COMMD1: variants seen among roughly 807,000 people sequenced by gnomAD.
COMMD1 encodes copper metabolism domain containing 1.
Under a neutral mutation model 17.2 loss-of-function variants are expected in COMMD1, and 10 were observed. The ratio of observed to expected loss-of-function variants is 0.58; its 90% CI spans 0.36 to 0.99. The LOEUF (loss-of-function observed/expected upper bound fraction) is 0.99, where lower values mean the gene tolerates loss of function less well. Ranked by LOEUF, COMMD1 falls within the 50% of genes least tolerant of loss-of-function variation. The pLI is 0.01. For synonymous variants in COMMD1, 97 were observed against 91.6 expected (o/e 1.06, Z -0.34); for missense variants, 270 against 231.8 (o/e 1.17, Z -1.07).
At chr2:61,953,349 TGTAA>T (rs1231827634) in intron 1 of COMMD1, among the ~76,000 whole-genome samples, 2 of 150,942 alleles carry the variant, frequency 1.3e-5, no homozygotes, top group African/African-American at 4.9e-5. Flanking sequence ...GGATTATTTA[TGTAA>T]GTATTTCTTT....
intron 2 of COMMD1, among the ~76,000 whole-genome samples, chr2:62,065,039 G>A (rs1670989189): frequency 1.3e-5 from 2 of 152,232 alleles, no homozygotes; most frequent in Admixed American, 1.3e-4. Flanking sequence ...ATGGCGGCAA[G>A]CACCTGTAAT....
chr2:62,014,882 G>A (rs1669393054), intron 2 of COMMD1, among the ~76,000 whole-genome samples: 1 of 151,886 alleles, frequency 6.6e-6, no homozygotes, highest in South Asian at 2.1e-4. Flanking sequence ...CAGTTTTTAA[G>A]TGTACAGTCC....
At chr2:62,064,227 G>A (rs1190978588) in intron 2 of COMMD1, among the ~76,000 whole-genome samples, 1 of 151,918 alleles carries the variant, frequency 6.6e-6, no homozygotes, top group Non-Finnish European at 1.5e-5. Flanking sequence ...AGGCTGTAGT[G>A]CAGTGGCGTG....
chr2:62,106,877 A>G (rs1400434732), intron 2 of COMMD1, among the ~76,000 whole-genome samples: 1 of 152,234 alleles, frequency 6.6e-6, no homozygotes, highest in African/African-American at 2.4e-5. Flanking sequence ...GGAAGGGTGG[A>G]GAAAAATATT....
chr2:61,903,673 C>T (rs1011257116), upstream of COMMD1, among the ~76,000 whole-genome samples: 2 of 151,824 alleles, frequency 1.3e-5, no homozygotes, highest in African/African-American at 4.8e-5. Context: ...CTGCCTCAGC[C>T]TCCCGAGTAG....
At chr2:62,120,002 T>G (rs1672701887) in intron 2 of COMMD1, among the ~76,000 whole-genome samples, 1 of 152,278 alleles carries the variant, frequency 6.6e-6, no homozygotes, top group African/African-American at 2.4e-5. Flanking sequence ...CTTTTTCTTT[T>G]TTTATTTCAT....
intron 2 of COMMD1, among the ~76,000 whole-genome samples, chr2:62,063,658 G>T (rs866761308): frequency 4.6e-5 from 7 of 151,772 alleles, no homozygotes; most frequent in Non-Finnish European, 1.0e-4. Flanking sequence ...TGACCTGCAT[G>T]TTTCTATAAT....
chr2:62,082,820 GC>G (rs1271103700), intron 2 of COMMD1, among the ~76,000 whole-genome samples: 1 of 152,138 alleles, frequency 6.6e-6, no homozygotes, highest in African/African-American at 2.4e-5. Context: ...TTAAGCTTTA[GC>G]TTTTTAAATA....
intron 1 of COMMD1, chr2:61,928,775 C>G (rs1670391285): frequency 1.3e-5 from 2 of 152,046 alleles, no homozygotes; most frequent in South Asian, 4.1e-4. Flanking sequence ...CTTTTCCTGC[C>G]CTAGTCCCCT....
chr2:61,915,750 G>C, intron 1 of COMMD1: 1 of 450,064 alleles, frequency 2.2e-6, no homozygotes. Context: ...TCTCTCTTTA[G>C]CCTCCCAATT....
intron 1 of COMMD1, among the ~76,000 whole-genome samples, chr2:61,909,770 G>A (rs1425146045): frequency 6.6e-6 from 1 of 152,210 alleles, no homozygotes; most frequent in Non-Finnish European, 1.5e-5. Context: ...AGAAGCAAAG[G>A]AAGGAAGGAG....
rs118016725 is a variant in COMMD1 at position 61,938,564 on chromosome 2, C to T, written c.180+32706C>T. 4.6e-3 allele frequency among the ~76,000 whole-genome samples: 703 copies of T among 152,250 alleles called. 11 individuals carry two copies. Among genetic ancestry groups the T allele is most frequent in the East Asian group, 0.035 (180 of 5,180 alleles). On this transcript the variant is annotated intron_variant, in intron 1 of 2. Coordinates refer to ENST00000311832, the MANE Select transcript of COMMD1 (RefSeq NM_152516.4). The stretch of plus-strand genomic sequence containing the variant: ...TTGGGTCTCTTCCAAGCACACGTTC[C>T]TTGCTTTCATGTTCTAAGGCCTTTT...
intron 2 of COMMD1, among the ~76,000 whole-genome samples, chr2:62,023,236 A>T (rs905272217): frequency 3.3e-5 from 5 of 152,180 alleles, no homozygotes; most frequent in Admixed American, 3.3e-4. Context: ...CAAAAAAAAA[A>T]AAAAGCATGA....
chr2:62,013,033 G>A (rs1669331578), intron 2 of COMMD1, among the ~76,000 whole-genome samples: 1 of 152,076 alleles, frequency 6.6e-6, no homozygotes, highest in Non-Finnish European at 1.5e-5. Flanking sequence ...GTAATGGGAA[G>A]CCATTAGAGG....
At chr2:62,023,136 G>T (rs775010131) in intron 2 of COMMD1, among the ~76,000 whole-genome samples, 2 of 151,832 alleles carry the variant, frequency 1.3e-5, no homozygotes, top group African/African-American at 2.4e-5. Flanking sequence ...TGAGACAGGA[G>T]AATCGCTTGA....
At chr2:62,100,689 T>C (rs567760373) in intron 2 of COMMD1, among the ~76,000 whole-genome samples, 3 of 152,258 alleles carry the variant, frequency 2.0e-5, no homozygotes, top group South Asian at 4.2e-4. Flanking sequence ...AGGTAAAAGA[T>C]TGTGGAGACC....
intron 2 of COMMD1, among the ~76,000 whole-genome samples, chr2:62,035,757 A>C (rs1457113083): frequency 6.7e-6 from 1 of 149,100 alleles, no homozygotes; most frequent in Non-Finnish European, 1.5e-5. Flanking sequence ...AAAAAAAAAA[A>C]AAAAAAAAGC....
intron 2 of COMMD1, among the ~76,000 whole-genome samples, chr2:62,100,001 G>A (rs1310111205): frequency 1.3e-5 from 2 of 151,980 alleles, no homozygotes; most frequent in African/African-American, 2.4e-5. Flanking sequence ...ACACAGACAA[G>A]CCAATTGAGA....
intron 1 of COMMD1, among the ~76,000 whole-genome samples, chr2:61,940,022 G>A (rs1314872058): frequency 6.6e-6 from 1 of 152,164 alleles, no homozygotes; most frequent in African/African-American, 2.4e-5. Context: ...CATTAGCATA[G>A]GGGTAGCTCA....
Sources: allele counts gnomAD v4.1 joint callset (sites outside exome capture counted in the v4.1 genomes callset), GRCh38; gene constraint gnomAD v4.1.1; transcripts MANE v1.5; gene names NCBI Gene and HGNC (gene_info 2026-07-23, HGNC 2026-07-21).